CNTNAP2: variants seen among roughly 807,000 people sequenced by gnomAD.
CNTNAP2 encodes the protein contactin associated protein 2.
A neutral mutation model predicts 155.2 loss-of-function variants in CNTNAP2; 98 were observed. That is an observed-to-expected ratio of 0.63 (90% CI 0.54 to 0.75). The LOEUF is 0.75. Ranked by LOEUF, CNTNAP2 falls within the 30% of genes least tolerant of loss-of-function variation. CNTNAP2 has a pLI of 0.00. For synonymous variants in CNTNAP2, 651 were observed against 631.2 expected, an observed-to-expected ratio of 1.03 and a Z score of -0.47; for missense variants, 1,727 against 1,688.1, an observed-to-expected ratio of 1.02 and a Z score of -0.40.
At chr7:146,871,545 ATAAAT>A (rs1368258513) in intron 3 of CNTNAP2, among the ~76,000 whole-genome samples, 2 of 151,890 alleles carry the variant, frequency 1.3e-5, no homozygotes, top group Non-Finnish European at 2.9e-5. Context: ...AAATAAATAA[ATAAAT>A]TAAATAAATA....
Position 146,190,585 on chromosome 7 carries a change from C to G in CNTNAP2, c.97+73612C>G, listed in dbSNP as rs546390650. ...TATCATGGCTTCAAAATAAGAGTGT[C>G]CACCTTCGCCTTACAATCAGGATTG... On this transcript the variant is annotated intron_variant, in intron 1 of 23. Coordinates refer to ENST00000361727, the MANE Select transcript of CNTNAP2 (RefSeq NM_014141.6). Among the ~76,000 whole-genome samples, 243 of 152,190 alleles carry G rather than the reference C, an allele frequency of 1.6e-3. 2 individuals carry two copies. Among genetic ancestry groups the G allele is most frequent in the African/African-American group, 5.7e-3 (237 of 41,530 alleles).
intron 14 of CNTNAP2, chr7:147,940,303 T>TAAAAAAAAAAAAAAAA (rs59484615): frequency 2.8e-4 from 26 of 91,690 alleles, no homozygotes; most frequent in African/African-American, 8.0e-4. Flanking sequence ...CCTGTCTCTT[T>TAAAAAAAAAAAAAAAA]AAAAAAAAAA....
At chr7:146,463,924 A>G (rs2129125339) in intron 1 of CNTNAP2, among the ~76,000 whole-genome samples, 1 of 152,110 alleles carries the variant, frequency 6.6e-6, no homozygotes, top group South Asian at 2.1e-4. Flanking sequence ...GTGGATCACT[A>G]TTTTAGGTGA....
chr7:146,906,061 G>A (rs1301270000), intron 3 of CNTNAP2, among the ~76,000 whole-genome samples: 4 of 152,166 alleles, frequency 2.6e-5, no homozygotes, highest in African/African-American at 9.7e-5. Flanking sequence ...TGGAAAATCG[G>A]GTCACTCCCA....
intron 14 of CNTNAP2, among the ~76,000 whole-genome samples, chr7:147,966,649 G>T (rs1444150139): frequency 2.0e-5 from 3 of 152,058 alleles, no homozygotes; most frequent in African/African-American, 2.4e-5. Context: ...ATTCCTGGGG[G>T]TGTCTCAGAG....
chr7:146,248,577 G>GAGATTGACGTGTGGCGCCA (rs1799703739), intron 1 of CNTNAP2, among the ~76,000 whole-genome samples: 1 of 152,194 alleles, frequency 6.6e-6, no homozygotes, highest in Non-Finnish European at 1.5e-5. Context: ...AAAGAAGGGA[G>GAGATTGACGTGTGGCGCCA]AGATTGACGT....
intron 3 of CNTNAP2, among the ~76,000 whole-genome samples, chr7:146,852,378 A>G (rs1428456095): frequency 6.6e-6 from 1 of 152,174 alleles, no homozygotes; most frequent in African/African-American, 2.4e-5. Context: ...ACTCTCTGCA[A>G]TCATTTATTT....
At chr7:147,667,078 C>T (rs1159041321) in intron 13 of CNTNAP2, among the ~76,000 whole-genome samples, 3 of 152,132 alleles carry the variant, frequency 2.0e-5, no homozygotes, top group African/African-American at 7.2e-5. Flanking sequence ...AAAGAAAAGG[C>T]TGGACCCAAC....
intron 4 of CNTNAP2, among the ~76,000 whole-genome samples, chr7:147,087,001 A>C (rs1457675141): frequency 6.6e-6 from 1 of 152,228 alleles, no homozygotes; most frequent in East Asian, 1.9e-4. Context: ...TGTGGTTTGT[A>C]GGAAAATAGA....
intron 13 of CNTNAP2, among the ~76,000 whole-genome samples, chr7:147,656,675 A>C (rs1584882742): frequency 6.6e-6 from 1 of 152,322 alleles, no homozygotes; most frequent in Middle Eastern, 3.4e-3. Flanking sequence ...AGATCACCAT[A>C]ACAGATGTAA....
intron 1 of CNTNAP2, among the ~76,000 whole-genome samples, chr7:146,600,158 A>C (rs1169015495): frequency 1.3e-5 from 2 of 152,040 alleles, no homozygotes; most frequent in Non-Finnish European, 2.9e-5. Context: ...GCAACACTCC[A>C]TAATAGTCAG....
intron 2 of CNTNAP2, among the ~76,000 whole-genome samples, chr7:146,785,321 C>G (rs1348734360): frequency 6.6e-6 from 1 of 152,096 alleles, no homozygotes; most frequent in Non-Finnish European, 1.5e-5. Context: ...TTTCACATCT[C>G]AAATAAGGAG....
At chr7:146,739,394 T>G (rs921203675) in intron 1 of CNTNAP2, among the ~76,000 whole-genome samples, 1 of 151,932 alleles carries the variant, frequency 6.6e-6, no homozygotes, top group African/African-American at 2.4e-5. Flanking sequence ...TCATGAACAT[T>G]TTTTCACAGA....
At chr7:147,798,881 C>A (rs10271363) in intron 13 of CNTNAP2, among the ~76,000 whole-genome samples, 19,680 of 152,186 alleles carry the variant, frequency 0.13, 1,511 homozygotes, top group African/African-American at 0.2. Context: ...TATTACCCAG[C>A]ACACAGGGTC....
At chr7:146,210,507 T>G (rs1799017718) in intron 1 of CNTNAP2, among the ~76,000 whole-genome samples, 1 of 152,160 alleles carries the variant, frequency 6.6e-6, no homozygotes, top group Non-Finnish European at 1.5e-5. Flanking sequence ...TTTCACAATA[T>G]GGACCAGGCT....
chr7:146,671,118 A>G (rs1206733615), intron 1 of CNTNAP2, among the ~76,000 whole-genome samples: 1 of 152,166 alleles, frequency 6.6e-6, no homozygotes, highest in Admixed American at 6.5e-5. Context: ...AAATGTCTTC[A>G]TTACATTAAG....
At chr7:148,162,679 T>C (rs961572637) in intron 17 of CNTNAP2, among the ~76,000 whole-genome samples, 2 of 152,240 alleles carry the variant, frequency 1.3e-5, no homozygotes, top group African/African-American at 4.8e-5. Flanking sequence ...CCCTTTCAGC[T>C]TCAGCCATCC....
chr7:148,279,938 A>G (rs1796942377), intron 21 of CNTNAP2, among the ~76,000 whole-genome samples: 1 of 152,206 alleles, frequency 6.6e-6, no homozygotes, highest in Non-Finnish European at 1.5e-5. Context: ...TTTACAATTG[A>G]GGACAGATTA....
chr7:146,658,317 G>T (rs905651302), intron 1 of CNTNAP2, among the ~76,000 whole-genome samples: 1 of 151,754 alleles, frequency 6.6e-6, no homozygotes, highest in Non-Finnish European at 1.5e-5. Flanking sequence ...GGAATTCTGA[G>T]CTAAGTTATA....
Sources: gnomAD v4.1 joint callset for allele counts (sites outside exome capture counted in the v4.1 genomes callset) on GRCh38, gnomAD v4.1.1 for gene constraint, MANE v1.5 for transcripts, NCBI Gene and HGNC (gene_info 2026-07-23, HGNC 2026-07-21) for gene names.